The following MTUS2 variants were observed in gnomAD, a reference collection of about 807,000 sequenced individuals.
MTUS2 encodes the protein microtubule-associated tumor suppressor candidate 2.
Under a neutral mutation model 114.1 loss-of-function variants are expected in MTUS2, and 40 were observed. That is an observed-to-expected ratio of 0.35 (90% confidence interval 0.27 to 0.46). MTUS2 has a LOEUF of 0.46. Among genes scored for constraint, MTUS2 ranks in the 20% least tolerant of loss-of-function variants. The pLI, the probability that MTUS2 is intolerant of heterozygous loss-of-function variation, is 1.00. For missense variants in MTUS2, 1,679 were observed against 1,705.4 expected (o/e 0.98, Z 0.27); for synonymous variants, 688 against 672.0 (o/e 1.02, Z -0.37).
At chr13:29,388,698 TA>T (rs1162850086) in intron 8 of MTUS2, among the ~76,000 whole-genome samples, 5 of 151,526 alleles carry the variant, frequency 3.3e-5, no homozygotes, top group African/African-American at 7.3e-5. Flanking sequence ...AAATTTAAAA[TA>T]AAAAAAATTA....
rs927678438 is a variant in MTUS2 at position 29,303,974 on chromosome 13, G to A, written c.2807-20639G>A. Among the ~76,000 whole-genome samples, 9 of 152,148 alleles carry A rather than the reference G, an allele frequency of 5.9e-5. No individual in the cohort carries two copies. The East Asian group carries it at 1.7e-3, about 29-fold the overall frequency. ...ATCTACAAGCCAGAAGAGTTTGGAG[G>A]CCAATAGTCAACATTCTTAAAGAAA... On this transcript the variant is annotated intron_variant, in intron 6 of 15. Transcript: ENST00000612955.
chr13:29,100,562 C>T (rs1447307491), intron 4 of MTUS2, among the ~76,000 whole-genome samples: 1 of 152,150 alleles, frequency 6.6e-6, no homozygotes, highest in Non-Finnish European at 1.5e-5. Flanking sequence ...TGGGGCTGCA[C>T]CACCTCCTCT....
chr13:28,878,691 A>G (rs931276118), intron 2 of MTUS2, among the ~76,000 whole-genome samples: 3 of 152,236 alleles, frequency 2.0e-5, no homozygotes, highest in African/African-American at 4.8e-5. Flanking sequence ...ATAGTATTCT[A>G]TGGTGTATAT....
At chr13:29,378,907 G>A (rs1312129156) in intron 8 of MTUS2, among the ~76,000 whole-genome samples, 1 of 152,158 alleles carries the variant, frequency 6.6e-6, no homozygotes, top group Non-Finnish European at 1.5e-5. Flanking sequence ...CATGTGTTGG[G>A]GGAGGGACCT....
At chr13:29,493,737 C>G (rs1364398982) in intron 12 of MTUS2, among the ~76,000 whole-genome samples, 2 of 152,202 alleles carry the variant, frequency 1.3e-5, no homozygotes, top group Non-Finnish European at 2.9e-5. Context: ...ACATCCTGCA[C>G]CAATAGTTGC....
At chr13:28,987,389 T>C (rs1884636613) in intron 2 of MTUS2, among the ~76,000 whole-genome samples, 1 of 152,000 alleles carries the variant, frequency 6.6e-6, no homozygotes, top group Non-Finnish European at 1.5e-5. Context: ...GCGAGGGCTG[T>C]TTCAGCCTAC....
intron 2 of MTUS2, among the ~76,000 whole-genome samples, chr13:28,897,520 C>T (rs975772003): frequency 1.3e-5 from 2 of 152,130 alleles, no homozygotes; most frequent in African/African-American, 4.8e-5. Flanking sequence ...ACTAGAAATA[C>T]CATTTGACCC....
intron 5 of MTUS2, among the ~76,000 whole-genome samples, chr13:29,119,730 G>T (rs1219371450): frequency 6.6e-6 from 1 of 152,070 alleles, no homozygotes; most frequent in Admixed American, 6.6e-5. Context: ...TCCCATTCAG[G>T]CCCTTAAAGG....
At chr13:29,000,932 C>T (rs1885356736) in intron 2 of MTUS2, among the ~76,000 whole-genome samples, 1 of 152,188 alleles carries the variant, frequency 6.6e-6, no homozygotes, top group South Asian at 2.1e-4. Context: ...AGCTCTGTTC[C>T]CAAAGTGCAG....
intron 5 of MTUS2, among the ~76,000 whole-genome samples, chr13:29,115,587 A>G (rs1167414332): frequency 6.6e-6 from 1 of 152,244 alleles, no homozygotes; most frequent in Non-Finnish European, 1.5e-5. Flanking sequence ...ACTGATTTAA[A>G]TATTGTAAAG....
chr13:29,376,357 C>T (rs1455040356), intron 8 of MTUS2, among the ~76,000 whole-genome samples: 1 of 152,050 alleles, frequency 6.6e-6, no homozygotes, highest in Non-Finnish European at 1.5e-5. Flanking sequence ...TCTAACTAGA[C>T]TGTGAGAAGT....
intron 5 of MTUS2, among the ~76,000 whole-genome samples, chr13:29,281,140 G>A (rs1469175275): frequency 1.3e-5 from 2 of 152,144 alleles, no homozygotes; most frequent in Non-Finnish European, 2.9e-5. Flanking sequence ...GTTTCAGAGA[G>A]ATTCTCTCGT....
chr13:29,175,880 A>G (rs968512622), intron 5 of MTUS2, among the ~76,000 whole-genome samples: 2 of 152,144 alleles, frequency 1.3e-5, no homozygotes, highest in Admixed American at 1.3e-4. Context: ...AATTTATTTA[A>G]ACATTAAAGT....
chr13:28,972,320 G>T (rs1356878338), intron 2 of MTUS2, among the ~76,000 whole-genome samples: 1 of 152,198 alleles, frequency 6.6e-6, no homozygotes, highest in African/African-American at 2.4e-5. Flanking sequence ...CGGGACACTT[G>T]ACTGCAGAAA....
At chr13:29,253,744 A>G (rs1275650242) in intron 5 of MTUS2, among the ~76,000 whole-genome samples, 1 of 152,222 alleles carries the variant, frequency 6.6e-6, no homozygotes, top group African/African-American at 2.4e-5. Flanking sequence ...TAATGGACTC[A>G]CAGTTCCACA....
chr13:29,014,405 A>T (rs1029809935), intron 2 of MTUS2, among the ~76,000 whole-genome samples: 21 of 152,350 alleles, frequency 1.4e-4, no homozygotes, highest in African/African-American at 4.8e-4. Flanking sequence ...TAATGATGAC[A>T]CCATACTAAT....
intron 5 of MTUS2, among the ~76,000 whole-genome samples, chr13:29,280,648 A>G (rs1363934789): frequency 6.6e-6 from 1 of 152,220 alleles, no homozygotes; most frequent in African/African-American, 2.4e-5. Context: ...TTAATCCTTT[A>G]CTAAAATATT....
At chr13:28,905,293 T>C (rs995146225) in intron 2 of MTUS2, among the ~76,000 whole-genome samples, 1 of 151,634 alleles carries the variant, frequency 6.6e-6, no homozygotes, top group African/African-American at 2.4e-5. Flanking sequence ...AACACTATGT[T>C]GAATAGGAGT....
intron 5 of MTUS2, among the ~76,000 whole-genome samples, chr13:29,117,779 T>C (rs879321880): frequency 2.0e-5 from 3 of 152,170 alleles, no homozygotes; most frequent in Admixed American, 1.3e-4. Context: ...CCATTTACGC[T>C]GACCCCTTTG....
Sources: gnomAD v4.1 joint callset for allele counts (sites outside exome capture counted in the v4.1 genomes callset) on GRCh38, gnomAD v4.1.1 for gene constraint, MANE v1.5 for transcripts, NCBI Gene and HGNC (gene_info 2026-07-23, HGNC 2026-07-21) for gene names.